Variants in CNOT10 observed in about 807,000 individuals in gnomAD.
The protein encoded by CNOT10 is CCR4-NOT transcription complex subunit 10.
In CNOT10, 30 loss-of-function variants were observed where a neutral mutation model predicts 94.6. The observed-to-expected ratio is 0.32, with a 90% confidence interval of 0.24 to 0.43. CNOT10 has a LOEUF of 0.43. CNOT10 is among the 20% of genes least tolerant of loss of function. The pLI is 1.00. For missense variants in CNOT10, 759 were observed against 877.2 expected (o/e 0.87, Z 1.70); for synonymous variants, 289 against 301.6 (o/e 0.96, Z 0.43).
intron 14 of CNOT10, 77 bp from the exon 15 acceptor site, chr3:32,762,651 CATAAT>C (rs1349794210): frequency 8.7e-6 from 12 of 1,373,334 alleles, no homozygotes; most frequent in Non-Finnish European, 1.1e-5. Flanking sequence ...TGTATAATAA[CATAAT>C]ATACCCAGCA....
chr3:32,694,201 A>G (rs1268146125), intron 1 of CNOT10, among the ~76,000 whole-genome samples: 1 of 151,974 alleles, frequency 6.6e-6, no homozygotes, highest in African/African-American at 2.4e-5. Flanking sequence ...AAACTTCTCC[A>G]GTAACAAACT....
At chr3:32,762,704 T>C in intron 14 of CNOT10, 29 bp from the exon 15 acceptor site, 1 of 1,579,702 alleles carries the variant, frequency 6.3e-7, no homozygotes, top group Non-Finnish European at 8.5e-7. Context: ...GTTGTACTTT[T>C]CAGTTTGGAA....
At position 32,685,582 on chromosome 3, in the gene CNOT10, C is replaced by T. The variant is rs1294722878; in HGVS notation, c.22+100C>T. 4 of 1,345,282 alleles carry T rather than the reference C, an allele frequency of 3.0e-6. No individual in the cohort carries two copies. The Admixed American group carries it at 8.1e-5, about 27-fold the overall frequency. 83.3% of individuals were successfully genotyped at this position (1,345,282 alleles called of 1,614,324 possible). A position where few individuals can be genotyped will look rare whatever the true frequency, so the allele number is the denominator to read the frequency against. ...GGGGCCCGGGGTGGGGACTCCAGGG[C>T]GACTTGAATTTGGGCGTGCATTTCT... On this transcript the variant is annotated intron_variant, in intron 1 of 18. Transcript: ENST00000328834.
At chr3:32,759,170 T>TATACATACATAC (rs10663523) in intron 13 of CNOT10, among the ~76,000 whole-genome samples, 1 of 151,626 alleles carries the variant, frequency 6.6e-6, no homozygotes, top group African/African-American at 2.4e-5. Context: ...TCTATACATA[T>TATACATACATAC]ATACATACAT....
In CNOT10 at chr3:32,759,439, C is replaced by T. The variant is rs1034243553; in HGVS notation, c.1596-19C>T. Reference sequence around the variant, plus strand: ...ATGTTTAAAATGAGATTTTCGGCCCCTTCCCTTTTGTGTTATAGGTGCTCC... The same window carrying T: ...ATGTTTAAAATGAGATTTTCGGCCCTTTCCCTTTTGTGTTATAGGTGCTCC... On this transcript the variant is annotated intron_variant, in intron 13 of 18. Transcript: ENST00000328834. 1.9e-6 allele frequency: 3 copies of T among 1,562,818 alleles called. No individual in the cohort carries two copies. Among genetic ancestry groups the T allele is most frequent in the African/African-American group, 2.7e-5 (2 of 73,598 alleles).
intron 5 of CNOT10, among the ~76,000 whole-genome samples, chr3:32,713,924 A>G (rs746273202): frequency 3.3e-5 from 5 of 152,124 alleles, no homozygotes; most frequent in Non-Finnish European, 7.4e-5. Context: ...GTTGGTGGAC[A>G]TTTGGGTTCT....
chr3:32,773,256 C>T (rs540154723), intron 18 of CNOT10, among the ~76,000 whole-genome samples: 1 of 152,256 alleles, frequency 6.6e-6, no homozygotes, highest in African/African-American at 2.4e-5. Context: ...AATTCCATTG[C>T]CTGGGCCATG....
chr3:32,736,302 G>A (rs557799158), intron 12 of CNOT10, among the ~76,000 whole-genome samples: 1 of 152,190 alleles, frequency 6.6e-6, no homozygotes, highest in Admixed American at 6.5e-5. Context: ...GTCCAGGATG[G>A]TCTTGAACTC....
At chr3:32,748,580 T>A (rs1378259686) in intron 13 of CNOT10, among the ~76,000 whole-genome samples, 1 of 152,198 alleles carries the variant, frequency 6.6e-6, no homozygotes, top group East Asian at 1.9e-4. Flanking sequence ...TAGCGCAGTC[T>A]TGGCTCACTG....
In CNOT10 at chr3:32,721,060, C is replaced by CGTTTT. The variant is rs779437501; in HGVS notation, c.862+829_862+830insGTTTT. Among the ~76,000 whole-genome samples, 29 of 97,702 alleles carry CGTTTT rather than the reference C, an allele frequency of 3.0e-4. 1 individual carries two copies. Among genetic ancestry groups the CGTTTT allele is most frequent in the Non-Finnish European group, 4.3e-4 (23 of 52,920 alleles). 64.1% of individuals were successfully genotyped at this position (97,702 alleles called of 152,430 possible). A position where few individuals can be genotyped will look rare whatever the true frequency, so the allele number is the denominator to read the frequency against. On this transcript the variant is annotated intron_variant, in intron 8 of 18. Transcript: ENST00000328834. Reference sequence around the variant, plus strand: ...TTCCTTCCCTTCCTTTCTTTCCTTTCTTTTTTTTTTTTTTTTTTTGACAGA... The same window carrying CGTTTT: ...TTCCTTCCCTTCCTTTCTTTCCTTTCGTTTTTTTTTTTTTTTTTTTTTTTGACAGA...
chr3:32,710,078 C>T (rs1269834900), intron 4 of CNOT10, among the ~76,000 whole-genome samples: 1 of 148,142 alleles, frequency 6.8e-6, no homozygotes, highest in Non-Finnish European at 1.5e-5. Context: ...ACCCGAGAGG[C>T]CGAGGTTGCA....
At chr3:32,730,904 C>G (rs1183701762) in intron 10 of CNOT10, 1 of 152,164 alleles carries the variant, frequency 6.6e-6, no homozygotes, top group Non-Finnish European at 1.5e-5. Context: ...TACCTTAAAA[C>G]TTATCTGGCA....
chr3:32,754,897 CAAAA>C (rs1212573196), intron 13 of CNOT10, among the ~76,000 whole-genome samples: 4 of 113,614 alleles, frequency 3.5e-5, no homozygotes, highest in African/African-American at 1.3e-4. Context: ...AGGACCATTA[CAAAA>C]AAAAAAAAAA....
intron 5 of CNOT10, 71 bp downstream of exon 5, chr3:32,713,440 A>G: frequency 8.1e-7 from 1 of 1,236,784 alleles, no homozygotes; most frequent in Non-Finnish European, 1.1e-6. Flanking sequence ...GGTTTACTGG[A>G]TTAAAAAGAA....
intron 14 of CNOT10, among the ~76,000 whole-genome samples, chr3:32,760,070 T>C (rs113625099): frequency 0.02 from 2,959 of 151,476 alleles, 50 homozygotes; most frequent in East Asian, 0.047. Context: ...TAATCCCAGC[T>C]ACTCAGGAGG....
intron 9 of CNOT10, among the ~76,000 whole-genome samples, chr3:32,726,435 C>A (rs1698667278): frequency 6.6e-6 from 1 of 152,054 alleles, no homozygotes; most frequent in Non-Finnish European, 1.5e-5. Context: ...TGGCTCACGC[C>A]TGTAATCCCA....
chr3:32,696,042 G>A (rs1046003144), intron 1 of CNOT10, among the ~76,000 whole-genome samples: 10 of 150,590 alleles, frequency 6.6e-5, no homozygotes, highest in Admixed American at 4.0e-4. Flanking sequence ...TTGGCCGGGC[G>A]TGGTGACTCA....
chr3:32,712,855 T>C (rs1697952134), intron 4 of CNOT10, among the ~76,000 whole-genome samples: 2 of 152,076 alleles, frequency 1.3e-5, no homozygotes, highest in Non-Finnish European at 2.9e-5. Flanking sequence ...AAAAAAAGTT[T>C]TGGATTTTGG....
chr3:32,741,518 C>T (rs767660453), intron 13 of CNOT10, among the ~76,000 whole-genome samples: 1 of 152,018 alleles, frequency 6.6e-6, no homozygotes, highest in Non-Finnish European at 1.5e-5. Context: ...GTCTGTAATC[C>T]CAGCACTTAG....
Sources: gnomAD v4.1 joint callset for allele counts (sites outside exome capture counted in the v4.1 genomes callset) on GRCh38, gnomAD v4.1.1 for gene constraint, MANE v1.5 for transcripts, NCBI Gene and HGNC (gene_info 2026-07-23, HGNC 2026-07-21) for gene names.